Variants in ARID1B observed in about 807,000 individuals in gnomAD.
ARID1B encodes AT-rich interaction domain 1B.
In ARID1B, 30 loss-of-function variants were observed where a neutral mutation model predicts 212.3. The observed-to-expected ratio is 0.14, with a 90% CI of 0.11 to 0.19. The LOEUF is 0.19. Among genes scored for constraint, ARID1B ranks in the 10% least tolerant of loss-of-function variants. ARID1B has a pLI of 1.00. For synonymous variants in ARID1B, 1,402 were observed against 1,301.7 expected, an observed-to-expected ratio of 1.08 and a Z score of -1.66; for missense variants, 2,891 against 3,204.0, an observed-to-expected ratio of 0.90 and a Z score of 2.36.
At chr6:156,779,941 C>T (rs185221700) in intron 1 of ARID1B, among the ~76,000 whole-genome samples, 49 of 152,286 alleles carry the variant, frequency 3.2e-4, no homozygotes, top group African/African-American at 1.1e-3. Context: ...CTTTCTCACA[C>T]CTTTAGCCAC....
chr6:157,194,954 A>C (rs1793615905), intron 15 of ARID1B: 1 of 152,186 alleles, frequency 6.6e-6, no homozygotes, highest in African/African-American at 2.4e-5. Context: ...TCACCACTGC[A>C]GTTGCAACAT....
chr6:157,188,851 G>C (rs976422387), intron 13 of ARID1B, among the ~76,000 whole-genome samples: 2 of 152,130 alleles, frequency 1.3e-5, no homozygotes, highest in Non-Finnish European at 2.9e-5. Context: ...CAAATGTTAC[G>C]TTTTTCCCTC....
chr6:157,117,615 G>A (rs552695407), intron 6 of ARID1B, among the ~76,000 whole-genome samples: 1 of 152,204 alleles, frequency 6.6e-6, no homozygotes, highest in Non-Finnish European at 1.5e-5. Context: ...CATGTCGGCA[G>A]CAGGCTGGGG....
intron 4 of ARID1B, among the ~76,000 whole-genome samples, chr6:156,974,139 A>G (rs1233263891): frequency 1.3e-5 from 2 of 152,216 alleles, no homozygotes; most frequent in Non-Finnish European, 2.9e-5. Flanking sequence ...TTTACTATTT[A>G]TATTTCATTT....
intron 6 of ARID1B, among the ~76,000 whole-genome samples, chr6:157,112,944 G>T: frequency 6.9e-6 from 1 of 145,696 alleles, no homozygotes. Flanking sequence ...TTTTGGAGAT[G>T]GAGTTTCACT....
intron 5 of ARID1B, among the ~76,000 whole-genome samples, chr6:157,090,507 T>G (rs747868378): frequency 1.3e-5 from 2 of 152,174 alleles, no homozygotes; most frequent in Non-Finnish European, 2.9e-5. Context: ...AACACAAAAT[T>G]AGGTCTTCAC....
At chr6:157,139,700 A>G (rs1026650038) in intron 7 of ARID1B, among the ~76,000 whole-genome samples, 1 of 151,390 alleles carries the variant, frequency 6.6e-6, no homozygotes, top group African/African-American at 2.4e-5. Context: ...TAAACTATAT[A>G]TAGAGAGAGC....
intron 5 of ARID1B, among the ~76,000 whole-genome samples, chr6:157,096,012 A>G (rs963526874): frequency 6.6e-6 from 1 of 152,188 alleles, no homozygotes; most frequent in Non-Finnish European, 1.5e-5. Context: ...TTTGCGTCAG[A>G]TCTTTGTCCC....
At chr6:157,078,279 G>A (rs1031177128) in intron 4 of ARID1B, among the ~76,000 whole-genome samples, 1 of 152,138 alleles carries the variant, frequency 6.6e-6, no homozygotes, top group Non-Finnish European at 1.5e-5. Context: ...CATTCTCGTG[G>A]CCATAATCAT....
intron 4 of ARID1B, among the ~76,000 whole-genome samples, chr6:156,979,643 C>G (rs190058797): frequency 6.6e-6 from 1 of 151,886 alleles, no homozygotes; most frequent in Non-Finnish European, 1.5e-5. Flanking sequence ...TTGCAACCTC[C>G]GCCTCCCAGG....
intron 1 of ARID1B, among the ~76,000 whole-genome samples, chr6:156,795,527 TAAAAG>T (rs1053380114): frequency 4.6e-5 from 7 of 152,184 alleles, no homozygotes; most frequent in Non-Finnish European, 8.8e-5. Context: ...AATGCATAGT[TAAAAG>T]AACAGATGTA....
intron 1 of ARID1B, among the ~76,000 whole-genome samples, chr6:156,800,794 C>T (rs867168966): frequency 1.6e-4 from 24 of 152,030 alleles, no homozygotes; most frequent in African/African-American, 5.8e-4. Flanking sequence ...GTAGTCCCAG[C>T]TACCTGGGAG....
At chr6:156,953,080 G>C (rs1793704671) in intron 4 of ARID1B, among the ~76,000 whole-genome samples, 1 of 152,212 alleles carries the variant, frequency 6.6e-6, no homozygotes, top group Admixed American at 6.5e-5. Flanking sequence ...TACTGTGTCA[G>C]CTTTATGCAC....
chr6:156,870,988 A>G (rs1441308266), intron 2 of ARID1B, among the ~76,000 whole-genome samples: 1 of 152,248 alleles, frequency 6.6e-6, no homozygotes, highest in Non-Finnish European at 1.5e-5. Context: ...ATCATTTTCA[A>G]ATATCTAGAA....
chr6:157,016,798 C>T (rs975262101), intron 4 of ARID1B, among the ~76,000 whole-genome samples: 3 of 152,162 alleles, frequency 2.0e-5, no homozygotes, highest in Non-Finnish European at 2.9e-5. Context: ...GTATAGCTCA[C>T]GTTTGTTTCG....
intron 5 of ARID1B, among the ~76,000 whole-genome samples, chr6:157,109,171 T>C (rs888467832): frequency 6.6e-6 from 1 of 152,176 alleles, no homozygotes; most frequent in Non-Finnish European, 1.5e-5. Context: ...CAGACCCATC[T>C]TGTAGAACCA....
At chr6:156,934,508 C>G (rs1311902919) in intron 3 of ARID1B, among the ~76,000 whole-genome samples, 2 of 152,104 alleles carry the variant, frequency 1.3e-5, no homozygotes, top group Non-Finnish European at 2.9e-5. Context: ...TTGTTCCCCA[C>G]TGTTGTTTTA....
At chr6:156,782,852 A>G (rs1779372281) in intron 1 of ARID1B, among the ~76,000 whole-genome samples, 1 of 152,188 alleles carries the variant, frequency 6.6e-6, no homozygotes, top group Non-Finnish European at 1.5e-5. Context: ...ACAGGAAAAG[A>G]AAATATAACA....
chr6:156,795,968 G>A (rs1474257247), intron 1 of ARID1B, among the ~76,000 whole-genome samples: 1 of 152,058 alleles, frequency 6.6e-6, no homozygotes, highest in African/African-American at 2.4e-5. Context: ...GTTCCTGCGC[G>A]GTGGGAAAGC....
Sources: gnomAD v4.1 joint callset for allele counts (sites outside exome capture counted in the v4.1 genomes callset) on GRCh38, gnomAD v4.1.1 for gene constraint, MANE v1.5 for transcripts, NCBI Gene and HGNC (gene_info 2026-07-23, HGNC 2026-07-21) for gene names.